The following MCPH1 variants were observed in gnomAD, a reference collection of about 807,000 sequenced individuals.
MCPH1 encodes microcephalin.
MCPH1 carries 104 observed loss-of-function variants against 84.5 expected under a neutral mutation model. The ratio of observed to expected loss-of-function variants is 1.23; its 90% CI spans 1.05 to 1.45. The LOEUF (loss-of-function observed/expected upper bound fraction) is 1.45, where lower values mean the gene tolerates loss of function less well. Ranked by LOEUF, MCPH1 falls within the 40% of genes most tolerant of loss-of-function variation. The probability of loss-of-function intolerance (pLI) is 0.00; values close to 1 mark genes in which losing one functional copy is unlikely to be tolerated. For missense variants in MCPH1, 1,498 were observed against 1,005.7 expected (o/e 1.49, Z -6.62); for synonymous variants, 514 against 366.8 (o/e 1.40, Z -4.58).
chr8:6,620,713 C>G (rs1008290000), intron 12 of MCPH1, among the ~76,000 whole-genome samples: 6 of 152,220 alleles, frequency 3.9e-5, no homozygotes, highest in Non-Finnish European at 8.8e-5. Flanking sequence ...GAAGTCTTTA[C>G]CAACCCGTAG....
chr8:6,486,909 T>G (rs1809997050), intron 11 of MCPH1, among the ~76,000 whole-genome samples: 1 of 152,232 alleles, frequency 6.6e-6, no homozygotes, highest in African/African-American at 2.4e-5. Flanking sequence ...CTTAATTTGA[T>G]GATTCCTGCA....
At chr8:6,640,408 T>C (rs549361356) in intron 13 of MCPH1, among the ~76,000 whole-genome samples, 1 of 152,296 alleles carries the variant, frequency 6.6e-6, no homozygotes, top group East Asian at 1.9e-4. Context: ...GTGATCCGAT[T>C]AGTTAAAAAA....
chr8:6,438,868 G>C lies in MCPH1; in HGVS notation c.437-85G>C, dbSNP rs567043466. 2.7e-4 allele frequency: 336 copies of C among 1,254,640 alleles called. 1 individual carries two copies. The African/African-American group carries it at 4.6e-3, about 17-fold the overall frequency. The allele number at this position is 1,254,640 out of a possible 1,614,324, so 77.7% of individuals were successfully genotyped here. ...AAAGGGAAGAAGGAAAACGGGGTGT[G>C]GGGGGTTGTTCTTTAAAAGGAATCA... On this transcript the variant is annotated intron_variant, in intron 5 of 13. Coordinates refer to ENST00000344683, the MANE Select transcript of MCPH1 (RefSeq NM_024596.5).
chr8:6,434,271 T>C (rs1168386592), intron 4 of MCPH1, among the ~76,000 whole-genome samples: 2 of 152,196 alleles, frequency 1.3e-5, no homozygotes, highest in African/African-American at 4.8e-5. Context: ...AAGCGCAAGA[T>C]GGAGTGTCTT....
intron 6 of MCPH1, among the ~76,000 whole-genome samples, chr8:6,441,192 G>T (rs548465473): frequency 6.6e-6 from 1 of 152,332 alleles, no homozygotes; most frequent in African/African-American, 2.4e-5. Context: ...AAGTGAGAAT[G>T]GACATTGAGG....
chr8:6,527,067 C>T (rs970652705), intron 12 of MCPH1, among the ~76,000 whole-genome samples: 1 of 152,196 alleles, frequency 6.6e-6, no homozygotes, highest in Non-Finnish European at 1.5e-5. Context: ...TTGAGTGAAG[C>T]TAAGTCCCCA....
intron 13 of MCPH1, chr8:6,642,541 A>T (rs1798002203): frequency 8.8e-6 from 2 of 227,262 alleles, no homozygotes. Context: ...TATGCTGGGT[A>T]GATAGGATAG....
At chr8:6,468,074 C>T (rs973648208) in intron 9 of MCPH1, among the ~76,000 whole-genome samples, 3 of 152,212 alleles carry the variant, frequency 2.0e-5, no homozygotes, top group African/African-American at 4.8e-5. Flanking sequence ...TTCTGCCCTA[C>T]ACCTTAGCTT....
At chr8:6,634,981 G>C (rs1342706916) in intron 13 of MCPH1, 1 of 152,208 alleles carries the variant, frequency 6.6e-6, no homozygotes, top group Non-Finnish European at 1.5e-5. Context: ...GCCAACGCTT[G>C]CAACACAGTG....
At chr8:6,547,987 T>A (rs1172784308) in intron 12 of MCPH1, among the ~76,000 whole-genome samples, 3 of 152,104 alleles carry the variant, frequency 2.0e-5, no homozygotes, top group African/African-American at 7.2e-5. Flanking sequence ...AGTGAATTCT[T>A]GAACGCTTCC....
At chr8:6,534,340 G>T (rs370971954) in intron 12 of MCPH1, among the ~76,000 whole-genome samples, 4 of 152,024 alleles carry the variant, frequency 2.6e-5, no homozygotes, top group Non-Finnish European at 5.9e-5. Context: ...ACGAGAGGAT[G>T]TGTATAGGTT....
chr8:6,569,739 A>G (rs527335354), intron 12 of MCPH1, among the ~76,000 whole-genome samples: 16 of 152,304 alleles, frequency 1.1e-4, no homozygotes, highest in African/African-American at 3.8e-4. Flanking sequence ...CCCCTCTTTA[A>G]CATGGCAAAT....
intron 9 of MCPH1, among the ~76,000 whole-genome samples, chr8:6,473,311 C>A (rs1807999154): frequency 1.5e-5 from 2 of 129,582 alleles, no homozygotes; most frequent in African/African-American, 2.8e-5. Flanking sequence ...GACAGTTTTT[C>A]TCTCAATCCT....
chr8:6,589,209 G>A (rs1828247904), intron 12 of MCPH1, among the ~76,000 whole-genome samples: 1 of 152,192 alleles, frequency 6.6e-6, no homozygotes, highest in Non-Finnish European at 1.5e-5. Context: ...ATTTTACAGA[G>A]CTCACCTTAA....
chr8:6,535,955 G>A (rs1820407711), intron 12 of MCPH1, among the ~76,000 whole-genome samples: 1 of 152,066 alleles, frequency 6.6e-6, no homozygotes, highest in South Asian at 2.1e-4. Flanking sequence ...TACTGGGGAG[G>A]CTGAGGTGGG....
intron 12 of MCPH1, among the ~76,000 whole-genome samples, chr8:6,564,241 T>G (rs1825945817): frequency 6.6e-6 from 1 of 152,224 alleles, no homozygotes; most frequent in Admixed American, 6.5e-5. Flanking sequence ...CCTCCCAAAG[T>G]GCTGAGATTA....
intron 12 of MCPH1, among the ~76,000 whole-genome samples, chr8:6,548,713 C>A (rs1169195839): frequency 6.6e-6 from 1 of 152,112 alleles, no homozygotes; most frequent in Non-Finnish European, 1.5e-5. Flanking sequence ...AAGCAAGCTC[C>A]CATTGGCAAA....
At chr8:6,523,825 G>C (rs530614261) in intron 12 of MCPH1, among the ~76,000 whole-genome samples, 8 of 151,394 alleles carry the variant, frequency 5.3e-5, no homozygotes, top group Admixed American at 6.6e-5. Context: ...CTGACTTCCT[G>C]ATTCGTCCAC....
intron 7 of MCPH1, among the ~76,000 whole-genome samples, chr8:6,443,192 G>T (rs1263730726): frequency 1.3e-5 from 2 of 152,174 alleles, no homozygotes; most frequent in African/African-American, 2.4e-5. Flanking sequence ...CTTGTCCAAG[G>T]TCATGTGGTT....
Sources: allele counts gnomAD v4.1 joint callset (sites outside exome capture counted in the v4.1 genomes callset), GRCh38; gene constraint gnomAD v4.1.1; transcripts MANE v1.5; gene names NCBI Gene and HGNC (gene_info 2026-07-23, HGNC 2026-07-21).